SYT6: variants seen among roughly 807,000 people sequenced by gnomAD.
The protein encoded by SYT6 is synaptotagmin-6.
SYT6 carries 24 observed loss-of-function variants against 38.4 expected under a neutral mutation model. The observed-to-expected ratio is 0.62, with a 90% CI of 0.45 to 0.88. SYT6 has a LOEUF of 0.88. SYT6 is among the 40% of genes least tolerant of loss of function. SYT6 has a pLI of 0.00. For missense variants in SYT6, 611 were observed against 621.0 expected (o/e 0.98, Z 0.17); for synonymous variants, 265 against 241.9 (o/e 1.10, Z -0.89).
chr1:114,145,353 A>C (rs931398481), intron 1 of SYT6, among the ~76,000 whole-genome samples: 4 of 152,222 alleles, frequency 2.6e-5, no homozygotes, highest in African/African-American at 9.7e-5. Flanking sequence ...GTGGAAACTG[A>C]GGCACAGAAG....
intron 3 of SYT6, among the ~76,000 whole-genome samples, chr1:114,115,039 A>G (rs539518929): frequency 6.6e-6 from 1 of 152,344 alleles, no homozygotes. Flanking sequence ...GTATTAAGCA[A>G]AGACAGTGTT....
In SYT6 at chr1:114,137,728, T is replaced by C. The variant is rs1475029029; in HGVS notation, c.838A>G (p.Lys280Glu). 2 of 1,614,162 alleles carry C rather than the reference T, an allele frequency of 1.2e-6. No individual in the cohort carries two copies. Among genetic ancestry groups the C allele is most frequent in the Non-Finnish European group, 1.7e-6 (2 of 1,180,026 alleles). The change falls in exon 3 of 8, where the codon AAG becomes GAG. Residue 280 changes from lysine to glutamate, a missense_variant. Lys to Glu is a moderately conservative substitution (Grantham distance 56). Coordinates refer to ENST00000610222, the MANE Select transcript of SYT6 (RefSeq NM_001253772.2). Reference sequence around the variant, plus strand: ...TTGCGGTGCACCCGGGTCTGCAGCTTGCATTTGCGGTCAGGCAGGAGGTAG... The same window carrying C: ...TTGCGGTGCACCCGGGTCTGCAGCTCGCATTTGCGGTCAGGCAGGAGGTAG... ...KIYLLPDRKCKLQTRVHRKTL... is the reference protein window; with the variant it reads ...KIYLLPDRKCELQTRVHRKTL...
chr1:114,092,168 A>C, intron 7 of SYT6, 86 bp from the exon 8 acceptor site: 1 of 1,263,906 alleles, frequency 7.9e-7, no homozygotes, highest in South Asian at 1.4e-5. Context: ...AATGCACTGA[A>C]TTCACCTTTC....
intron 1 of SYT6, among the ~76,000 whole-genome samples, chr1:114,149,217 T>TTGTGTGTGTG (rs879834403): frequency 5.3e-5 from 2 of 38,010 alleles, no homozygotes; most frequent in African/African-American, 2.4e-4. Context: ...GAGAGAGAGA[T>TTGTGTGTGTG]TGTGTGTGTG....
Position 114,153,689 on chromosome 1 carries a change from G to A in SYT6, c.84C>T (p.Pro28=), listed in dbSNP as rs1040530525. 7.4e-6 allele frequency: 5 copies of A among 674,556 alleles called. No individual in the cohort carries two copies. Among genetic ancestry groups the A allele is most frequent in the Non-Finnish European group, 1.4e-5 (5 of 370,284 alleles). 41.8% of individuals were successfully genotyped at this position (674,556 alleles called of 1,614,324 possible). A position where few individuals can be genotyped will look rare whatever the true frequency, so the allele number is the denominator to read the frequency against. The change falls in exon 1 of 8, where the codon CCC becomes CCT. Residue 28 remains proline (P), a synonymous_variant. Coordinates refer to ENST00000610222, the MANE Select transcript of SYT6 (RefSeq NM_001253772.2). ...VLASLCRARP[P]PLGLDVETCR... ...AAGTCTCCACGTCCAGCCCGAGAGG[G>A]GGCGGCCGGGCCCGGCACAGCGAGG... is the stretch of plus-strand genomic sequence containing the variant.
intron 7 of SYT6, among the ~76,000 whole-genome samples, chr1:114,092,878 C>G (rs2101615745): frequency 6.6e-6 from 1 of 152,336 alleles, no homozygotes; most frequent in Middle Eastern, 3.4e-3. Context: ...CATGAATATT[C>G]TTGACCTGCC....
intron 1 of SYT6, among the ~76,000 whole-genome samples, chr1:114,142,502 C>T (rs1198578738): frequency 2.0e-5 from 3 of 152,112 alleles, no homozygotes; most frequent in African/African-American, 4.8e-5. Flanking sequence ...GTGAACATTG[C>T]TGAAATGACC....
At position 114,089,687 on chromosome 1, in the gene SYT6, T is replaced by A. The variant is rs1675189504; in HGVS notation, c.*2447A>T. 6.6e-6 allele frequency: 1 copy of A among 152,352 alleles called. No homozygotes were observed. The highest frequency in any genetic ancestry group is 6.5e-5 in the Admixed American group (1 of 15,278). 9.4% of individuals were successfully genotyped at this position (152,352 alleles called of 1,614,324 possible). ...CAGATGTTCAGGTTTCATTCATGAT[T>A]CAGGCTGAGGAGTAGTCTACCTTGA... On this transcript the variant is annotated 3_prime_UTR_variant, in exon 8 of 8. Transcript: ENST00000610222.
chr1:114,104,103 C>T (rs932054004), intron 3 of SYT6, among the ~76,000 whole-genome samples: 1 of 152,210 alleles, frequency 6.6e-6, no homozygotes, highest in Non-Finnish European at 1.5e-5. Context: ...CACTGACCCC[C>T]TTGACTTCCT....
chr1:114,129,612 CTTTCCTTTCTTTCTTTCTT>C, intron 3 of SYT6, among the ~76,000 whole-genome samples: 2 of 61,496 alleles, frequency 3.3e-5, no homozygotes, highest in African/African-American at 1.0e-4. Flanking sequence ...TTCTTTCTTT[CTTTCCTTTCTTTCTTTCTT>C]TCTTTCTTTC....
intron 3 of SYT6, among the ~76,000 whole-genome samples, chr1:114,109,432 T>C (rs963550218): frequency 1.3e-5 from 2 of 152,236 alleles, no homozygotes; most frequent in Non-Finnish European, 1.5e-5. Context: ...CTTCCAGCTC[T>C]TAAGACTATG....
chr1:114,141,768 A>T (rs769594172), intron 1 of SYT6, among the ~76,000 whole-genome samples: 2 of 152,240 alleles, frequency 1.3e-5, no homozygotes, highest in Non-Finnish European at 2.9e-5. Context: ...TTAGGGGCTA[A>T]CACAGCTGAT....
In SYT6 at chr1:114,139,683, C is replaced by T. The variant is rs1379520167; in HGVS notation, c.444G>A (p.Ser148=). 2.9e-5 allele frequency: 47 copies of T among 1,614,018 alleles called. No individual in the cohort carries two copies. Among genetic ancestry groups the T allele is most frequent in the South Asian group, 6.6e-5 (6 of 91,084 alleles). ...TGTGACGCATGATGTGCTCCTTGAC[C>T]GACATCTGCACCTCAGCTGGGATAT... is the stretch of plus-strand genomic sequence containing the variant. ...SPDIPAEVQM[S]VKEHIMRHTR... Residue 148 remains serine, a synonymous_variant, in exon 2 of 8, where the codon TCG becomes TCA. Coordinates refer to ENST00000610222, the MANE Select transcript of SYT6 (RefSeq NM_001253772.2).
intron 3 of SYT6, among the ~76,000 whole-genome samples, chr1:114,122,081 T>A (rs1677436577): frequency 6.6e-6 from 1 of 152,140 alleles, no homozygotes; most frequent in South Asian, 2.1e-4. Flanking sequence ...TGCCGTTGGA[T>A]CCGTGCCCCT....
rs116762285 is a variant in SYT6 at position 114,139,199 on chromosome 1, A to T, written c.512+416T>A. On this transcript the variant is annotated intron_variant, in intron 2 of 7. Coordinates refer to ENST00000610222, the MANE Select transcript of SYT6 (RefSeq NM_001253772.2). ...CAAACTATTAAGATTCCCTTGCCTTATCTGCCATGTACTGCAGACTGTAGC... is the reference window on the plus strand; with the variant it reads ...CAAACTATTAAGATTCCCTTGCCTTTTCTGCCATGTACTGCAGACTGTAGC... Among the ~76,000 whole-genome samples, 670 of 152,314 alleles carry T rather than the reference A, an allele frequency of 4.4e-3. 12 individuals are homozygous for T. The highest frequency in any genetic ancestry group is 0.015 in the African/African-American group (641 of 41,570).
At chr1:114,124,045 T>G (rs1173801436) in intron 3 of SYT6, among the ~76,000 whole-genome samples, 1 of 152,208 alleles carries the variant, frequency 6.6e-6, no homozygotes, top group Non-Finnish European at 1.5e-5. Context: ...ACTGGGAGGG[T>G]TGAGATAGAA....
chr1:114,125,619 G>A (rs1677679092), intron 3 of SYT6, among the ~76,000 whole-genome samples: 1 of 152,134 alleles, frequency 6.6e-6, no homozygotes, highest in Admixed American at 6.5e-5. Flanking sequence ...GAGGATGGCT[G>A]CTGTAGAGAC....
intron 1 of SYT6, among the ~76,000 whole-genome samples, chr1:114,150,556 G>A (rs1486745660): frequency 6.6e-6 from 1 of 152,176 alleles, no homozygotes; most frequent in African/African-American, 2.4e-5. Context: ...GAAGCTTGAG[G>A]TCTCCTGTCA....
At position 114,090,696 on chromosome 1, in the gene SYT6, G is replaced by C. The variant is rs1379462964; in HGVS notation, c.*1438C>G. ...GGAAACTGGCACTGTGTCGCCACAA[G>C]TCGAAGTAGAAACTCACCTCCATGC... is the stretch of plus-strand genomic sequence containing the variant. On this transcript the variant is annotated 3_prime_UTR_variant, in exon 8 of 8. Transcript: ENST00000610222. 1 of 152,358 alleles carries C rather than the reference G, an allele frequency of 6.6e-6. No homozygotes were observed. Among genetic ancestry groups the C allele is most frequent in the East Asian group, 1.9e-4 (1 of 5,334 alleles). The allele number at this position is 152,358 out of a possible 1,614,324, so 9.4% of individuals were successfully genotyped here.
Sources: allele counts gnomAD v4.1 joint callset (sites outside exome capture counted in the v4.1 genomes callset), GRCh38; gene constraint gnomAD v4.1.1; transcripts MANE v1.5; gene names NCBI Gene and HGNC (gene_info 2026-07-23, HGNC 2026-07-21).